CRLF3: variants seen among roughly 807,000 people sequenced by gnomAD.
CRLF3 encodes cytokine receptor like factor 3.
CRLF3 carries 33 observed loss-of-function variants against 55.0 expected under a neutral mutation model. That is an observed-to-expected ratio of 0.60 (90% confidence interval 0.46 to 0.80). The LOEUF is 0.80. Ranked by LOEUF, CRLF3 falls within the 30% of genes least tolerant of loss-of-function variation. CRLF3 has a pLI of 0.00. For synonymous variants in CRLF3, 238 were observed against 196.8 expected (o/e 1.21, Z -1.75); for missense variants, 494 against 538.4 (o/e 0.92, Z 0.82).
chr17:30,796,784 T>A (rs1272745292), intron 3 of CRLF3, among the ~76,000 whole-genome samples: 1 of 150,818 alleles, frequency 6.6e-6, no homozygotes, highest in African/African-American at 2.4e-5. Context: ...AGTGCTGTGG[T>A]GCGATCTCAG....
intron 1 of CRLF3, among the ~76,000 whole-genome samples, chr17:30,810,289 T>C (rs1176740558): frequency 2.0e-5 from 3 of 152,306 alleles, no homozygotes; most frequent in African/African-American, 4.8e-5. Flanking sequence ...CCTGAGCACA[T>C]TGGCTCATGC....
At chr17:30,810,834 T>G (rs1567666974) in intron 1 of CRLF3, among the ~76,000 whole-genome samples, 1 of 151,994 alleles carries the variant, frequency 6.6e-6, no homozygotes, top group Non-Finnish European at 1.5e-5. Flanking sequence ...CGGTGGCTCA[T>G]GCCTATAATC....
At position 30,792,455 on chromosome 17, in the gene CRLF3, T is replaced by C. The variant is rs530574341; in HGVS notation, c.944A>G (p.Gln315Arg). The C allele has an allele frequency of 6.2e-7, 1 of 1,611,468 alleles. No homozygotes were observed. The highest frequency in any genetic ancestry group is 1.1e-5 in the South Asian group (1 of 90,964). The change falls in exon 6 of 8, where the codon CAG becomes CGG. Residue 315 changes from glutamine to arginine, a missense_variant. Transcript: ENST00000324238. ...YSRAPTYFCG[Q>R]TLTFRVETVG... Reference sequence around the variant, plus strand: ...ATCTACTTGCCTGAATGTTAATGTCTGCCCACAGAAATAAGTCGGAGCTCT... The same window carrying C: ...ATCTACTTGCCTGAATGTTAATGTCCGCCCACAGAAATAAGTCGGAGCTCT...
At chr17:30,799,797 G>T (rs368748275) in intron 2 of CRLF3, among the ~76,000 whole-genome samples, 1 of 151,998 alleles carries the variant, frequency 6.6e-6, no homozygotes, top group African/African-American at 2.4e-5. Flanking sequence ...GAGCCACCGC[G>T]CCCGGCCAGG....
chr17:30,795,511 A>G lies in CRLF3; in HGVS notation c.603+649T>C, dbSNP rs531703906. ...AACTCTGTCTCAAAAAAAAAAAAAA[A>G]GAAAATGTCAGCCAGGCGGAGTGGC... On this transcript the variant is annotated intron_variant, in intron 4 of 7. Transcript: ENST00000324238. Among the ~76,000 whole-genome samples, 884 of 147,854 alleles carry G rather than the reference A, an allele frequency of 6.0e-3. 8 individuals are homozygous for G. The highest frequency in any genetic ancestry group is 0.025 in the Admixed American group (372 of 14,878).
chr17:30,798,962 TATAA>T (rs1269617950), intron 2 of CRLF3, among the ~76,000 whole-genome samples: 4 of 152,148 alleles, frequency 2.6e-5, no homozygotes, highest in African/African-American at 9.7e-5. Context: ...TGCTGAGATG[TATAA>T]TAATTTTTTT....
chr17:30,807,349 CTATT>C (rs763579488), intron 1 of CRLF3, among the ~76,000 whole-genome samples: 2 of 151,534 alleles, frequency 1.3e-5, no homozygotes, highest in Non-Finnish European at 2.9e-5. Flanking sequence ...TAAAAACTTT[CTATT>C]TATTCTCTAA....
intron 1 of CRLF3, among the ~76,000 whole-genome samples, chr17:30,817,410 T>C (rs935456959): frequency 1.3e-5 from 2 of 149,588 alleles, no homozygotes; most frequent in Non-Finnish European, 3.0e-5. Context: ...TGCACTCCAG[T>C]CTGGGTGACA....
chr17:30,804,117 A>C lies in CRLF3; in HGVS notation c.130-9T>G. On this transcript the variant is annotated splice_polypyrimidine_tract_variant and intron_variant, in intron 1 of 7. Transcript: ENST00000324238. ...GATGCACTTTCTTTGATCTAAAAAG[A>C]AATAACAAAATACTCAAAATCAGAA... 6.3e-7 allele frequency: 1 copy of C among 1,580,582 alleles called. No individual in the cohort carries two copies. Among genetic ancestry groups the C allele is most frequent in the Non-Finnish European group, 8.7e-7 (1 of 1,151,404 alleles).
At chr17:30,815,183 T>A (rs1457918916) in intron 1 of CRLF3, among the ~76,000 whole-genome samples, 1 of 149,900 alleles carries the variant, frequency 6.7e-6, no homozygotes, top group Non-Finnish European at 1.5e-5. Flanking sequence ...CCTCCCAGGT[T>A]CAAGCAATTC....
At chr17:30,810,065 T>C (rs1904564761) in intron 1 of CRLF3, 1 of 152,194 alleles carries the variant, frequency 6.6e-6, no homozygotes, top group Admixed American at 6.5e-5. Context: ...AATTGTGTGG[T>C]GGACAACCAA....
chr17:30,813,144 A>G (rs8077116), intron 1 of CRLF3, among the ~76,000 whole-genome samples: 19,326 of 152,218 alleles, frequency 0.13, 1,286 homozygotes, highest in South Asian at 0.25. Context: ...CAGTAAACAA[A>G]TCATATAAAA....
intron 1 of CRLF3, among the ~76,000 whole-genome samples, chr17:30,805,691 G>A (rs549289534): frequency 6.5e-4 from 95 of 145,410 alleles, no homozygotes; most frequent in Non-Finnish European, 1.2e-3. Flanking sequence ...TCCAGCCTGG[G>A]CAACAGAGTG....
At chr17:30,794,408 C>T (rs1043567374) in intron 4 of CRLF3, among the ~76,000 whole-genome samples, 2 of 152,026 alleles carry the variant, frequency 1.3e-5, no homozygotes, top group East Asian at 1.9e-4. Context: ...CATAAATAAG[C>T]GTTCTACAGG....
At chr17:30,801,417 G>A (rs115444082) in intron 2 of CRLF3, 3,624 of 151,914 alleles carry the variant, frequency 0.024, 139 homozygotes, top group African/African-American at 0.08. Flanking sequence ...ATGAACCACC[G>A]TGCCCAGTTT....
At chr17:30,800,747 CTT>C (rs1971994259) in intron 2 of CRLF3, among the ~76,000 whole-genome samples, 1 of 150,238 alleles carries the variant, frequency 6.7e-6, no homozygotes. Flanking sequence ...GTTGGGACAA[CTT>C]GTGTGTGCCA....
chr17:30,824,687 C>G lies in CRLF3; in HGVS notation c.-36G>C. 2.6e-6 allele frequency: 4 copies of G among 1,562,366 alleles called. No individual in the cohort carries two copies. Among genetic ancestry groups the G allele is most frequent in the African/African-American group, 1.4e-5 (1 of 71,374 alleles). ...GGCCGGCGAAACCTAGCGCGGGTTC[C>G]CGACTGCACCGGGCGCCTCCAAGCG... On this transcript the variant is annotated 5_prime_UTR_variant, in exon 1 of 8. Transcript: ENST00000324238.
chr17:30,822,917 C>T, intron 1 of CRLF3, among the ~76,000 whole-genome samples: 1 of 152,016 alleles, frequency 6.6e-6, no homozygotes, highest in Non-Finnish European at 1.5e-5. Context: ...AGGAATAATG[C>T]AGATATTTTC....
chr17:30,817,743 T>C (rs1904850251), intron 1 of CRLF3, among the ~76,000 whole-genome samples: 3 of 149,160 alleles, frequency 2.0e-5, no homozygotes, highest in African/African-American at 5.0e-5. Flanking sequence ...CCATCTCTAC[T>C]AAAAATACAA....
Sources: allele counts gnomAD v4.1 joint callset (sites outside exome capture counted in the v4.1 genomes callset), GRCh38; gene constraint gnomAD v4.1.1; transcripts MANE v1.5; gene names NCBI Gene and HGNC (gene_info 2026-07-23, HGNC 2026-07-21).